Variants in HNRNPA3 observed in about 807,000 individuals in gnomAD.
HNRNPA3 encodes the protein heterogeneous nuclear ribonucleoprotein A3, also known as epididymis secretory sperm binding protein.
HNRNPA3 carries 3 observed loss-of-function variants against 45.8 expected under a neutral mutation model. That is an observed-to-expected ratio of 0.07 (90% CI 0.03 to 0.17). The LOEUF (loss-of-function observed/expected upper bound fraction) is 0.17. HNRNPA3 is among the 10% of genes least tolerant of loss of function. The pLI is 1.00. For synonymous variants in HNRNPA3, 170 were observed against 155.6 expected (o/e 1.09, Z -0.69); for missense variants, 183 against 480.3 (o/e 0.38, Z 5.79).
intron 4 of HNRNPA3, 88 bp from the exon 5 acceptor site, chr2:177,216,415 G>C: frequency 2.2e-6 from 2 of 912,886 alleles, no homozygotes; most frequent in Non-Finnish European, 3.4e-6. Context: ...TGTCTTAATG[G>C]GTTACATAAT....
chr2:177,219,171 C>A lies in HNRNPA3; in HGVS notation c.1084+12C>A, dbSNP rs763630746. The A allele has an allele frequency of 2.5e-6, 4 of 1,612,108 alleles. No individual in the cohort carries two copies. The African/African-American group carries it at 5.4e-5, about 22-fold the overall frequency. On this transcript the variant is annotated intron_variant, in intron 9 of 10. Coordinates refer to ENST00000392524, the Ensembl canonical transcript of HNRNPA3. ...CAGTCCCTATGGTGGTAAGTACTTT[C>A]TTAAATCAATTCTTTAGAGCCTTTT... is the stretch of plus-strand genomic sequence containing the variant.
chr2:177,215,721 T>G (rs1418666457), intron 2 of HNRNPA3, 29 bp from the exon 3 acceptor site: 3 of 1,590,878 alleles, frequency 1.9e-6, no homozygotes, highest in Non-Finnish European at 2.6e-6. Context: ...GGAGGTGTTT[T>G]CAACGTTATA....
downstream of HNRNPA3, chr2:177,221,132 A>T (rs1689172656): frequency 6.5e-6 from 1 of 152,672 alleles, no homozygotes; most frequent in Non-Finnish European, 1.5e-5. Flanking sequence ...TTCACAAACC[A>T]ATAAATGTAA....
In HNRNPA3 at chr2:177,216,790, A is replaced by T. The variant is rs1688959825; in HGVS notation, c.739+19A>T. On this transcript the variant is annotated intron_variant, in intron 6 of 10. Coordinates refer to ENST00000392524, the Ensembl canonical transcript of HNRNPA3. The stretch of plus-strand genomic sequence containing the variant: ...GGAAGAGGTAGGCTGTTTATCTTCT[A>T]AGTACATGGATACCTGACATTTTGG... 12 of 1,613,890 alleles carry T rather than the reference A, an allele frequency of 7.4e-6. No homozygotes were observed. The highest frequency in any genetic ancestry group is 1.0e-5 in the Non-Finnish European group (12 of 1,179,950).
At chr2:177,223,772 T>C (rs1305473687), downstream of HNRNPA3, 1 of 152,258 alleles carries the variant, frequency 6.6e-6, no homozygotes, top group African/African-American at 2.4e-5. Context: ...AGAAGTGTTC[T>C]GTAATGGATT....
intron 1 of HNRNPA3, among the ~76,000 whole-genome samples, chr2:177,214,547 G>A (rs558325988): frequency 1.3e-5 from 2 of 152,186 alleles, no homozygotes; most frequent in African/African-American, 4.8e-5. Flanking sequence ...TGTAATTCTA[G>A]CACTTTGGGA....
chr2:177,213,458 C>T (rs559060668), intron 1 of HNRNPA3, among the ~76,000 whole-genome samples: 1 of 152,234 alleles, frequency 6.6e-6, no homozygotes, highest in South Asian at 2.1e-4. Context: ...CTTTTCTAGG[C>T]CTTTTACGGG....
intron 8 of HNRNPA3, 90 bp from the exon 9 acceptor site, chr2:177,218,947 A>T: frequency 1.3e-6 from 2 of 1,501,960 alleles, no homozygotes; most frequent in Non-Finnish European, 1.8e-6. Flanking sequence ...GCATGCTACC[A>T]TAATTCTCAA....
chr2:177,217,997 C>A, intron 8 of HNRNPA3, 152 bp downstream of exon 8: 1 of 548,476 alleles, frequency 1.8e-6, no homozygotes, highest in South Asian at 2.9e-5. Context: ...ACCAAATTTT[C>A]TTGACTTTGC....
intron 7 of HNRNPA3, among the ~76,000 whole-genome samples, 171 bp downstream of exon 7, chr2:177,217,111 A>G (rs1431251589): frequency 1.3e-5 from 2 of 152,230 alleles, no homozygotes; most frequent in Non-Finnish European, 2.9e-5. Context: ...GAGAGACATT[A>G]GCTGCTCTTT....
At chr2:177,218,768 T>C (rs1281472616) in intron 8 of HNRNPA3, among the ~76,000 whole-genome samples, 1 of 152,256 alleles carries the variant, frequency 6.6e-6, no homozygotes, top group Non-Finnish European at 1.5e-5. Flanking sequence ...TTTTAAATGT[T>C]ATACTGCTTC....
chr2:177,215,535 T>C lies in HNRNPA3; in HGVS notation c.73-4T>C. 1 of 1,613,862 alleles carries C rather than the reference T, an allele frequency of 6.2e-7. No individual in the cohort carries two copies. Among genetic ancestry groups the C allele is most frequent in the Non-Finnish European group, 8.5e-7 (1 of 1,179,780 alleles). On this transcript the variant is annotated splice_region_variant and splice_polypyrimidine_tract_variant and intron_variant, in intron 1 of 10. Coordinates refer to ENST00000392524, the Ensembl canonical transcript of HNRNPA3. Reference sequence around the variant, plus strand: ...AACTTAAGAGTATTGGTTCTTTCTCTCAGGGCCATGATCCAAAGGAACCAG... The same window carrying C: ...AACTTAAGAGTATTGGTTCTTTCTCCCAGGGCCATGATCCAAAGGAACCAG...
intron 8 of HNRNPA3, among the ~76,000 whole-genome samples, chr2:177,218,317 C>A (rs1689044128): frequency 6.6e-6 from 1 of 152,140 alleles, no homozygotes; most frequent in South Asian, 2.1e-4. Flanking sequence ...CCGCTTCTGC[C>A]TCCCAAAGTA....
intron 1 of HNRNPA3, among the ~76,000 whole-genome samples, chr2:177,213,132 C>G (rs1012148475): frequency 1.3e-5 from 2 of 151,864 alleles, no homozygotes; most frequent in African/African-American, 4.8e-5. Flanking sequence ...GGCCTGCCGG[C>G]TGCGCGGCCT....
chr2:177,216,528 G>A, exon 5 of HNRNPA3: 1 of 1,612,914 alleles, frequency 6.2e-7, no homozygotes, highest in Non-Finnish European at 8.5e-7. Context: ...CTATTAATGG[G>A]CATAATTGTG....
intron 7 of HNRNPA3, 24 bp downstream of exon 7, chr2:177,216,964 G>A (rs1482883395): frequency 1.4e-6 from 2 of 1,465,990 alleles, no homozygotes; most frequent in South Asian, 1.3e-5. Context: ...TTTCATTGAT[G>A]TTTGATATTT....
At chr2:177,214,363 T>A (rs1170661657) in intron 1 of HNRNPA3, among the ~76,000 whole-genome samples, 1 of 150,048 alleles carries the variant, frequency 6.7e-6, no homozygotes, top group Non-Finnish European at 1.5e-5. Context: ...TTTGATCGGC[T>A]TTTTTTTTTC....
intron 7 of HNRNPA3, 41 bp downstream of exon 7, chr2:177,216,981 T>A (rs186422632): frequency 3.5e-6 from 5 of 1,430,738 alleles, no homozygotes; most frequent in African/African-American, 2.9e-5. Context: ...ATTTTAACTT[T>A]CTTTACTTAT....
At chr2:177,218,360 C>T (rs1222639623) in intron 8 of HNRNPA3, among the ~76,000 whole-genome samples, 1 of 152,140 alleles carries the variant, frequency 6.6e-6, no homozygotes, top group Non-Finnish European at 1.5e-5. Context: ...CTGCACTCAG[C>T]CAAATGTACT....
Sources: allele counts gnomAD v4.1 joint callset (sites outside exome capture counted in the v4.1 genomes callset), GRCh38; gene constraint gnomAD v4.1.1; transcripts MANE v1.5; gene names NCBI Gene and HGNC (gene_info 2026-07-23, HGNC 2026-07-21).